Variants in EXOC3 observed in about 807,000 individuals in gnomAD.
EXOC3 encodes the protein exocyst complex component 3.
A neutral mutation model predicts 73.7 loss-of-function variants in EXOC3; 21 were observed. The ratio of observed to expected loss-of-function variants is 0.29; its 90% confidence interval spans 0.20 to 0.41. The LOEUF (loss-of-function observed/expected upper bound fraction) is 0.41, where lower values mean the gene tolerates loss of function less well. Among genes scored for constraint, EXOC3 ranks in the 10% least tolerant of loss-of-function variants. The pLI, the probability that EXOC3 is intolerant of heterozygous loss-of-function variation, is 1.00. For missense variants in EXOC3, 842 were observed against 985.1 expected (o/e 0.85, Z 1.95); for synonymous variants, 410 against 389.1 (o/e 1.05, Z -0.63).
intron 1 of EXOC3, among the ~76,000 whole-genome samples, chr5:443,623 C>A (rs1236011252): frequency 1.3e-5 from 2 of 151,862 alleles, no homozygotes; most frequent in Non-Finnish European, 1.5e-5. Flanking sequence ...CTTCCTGGCA[C>A]AGGTGTCCCC....
rs1011860982 is a variant in EXOC3 at position 453,542 on chromosome 5, C to T, written c.537C>T (p.Ser179=). 6.2e-7 allele frequency: 1 copy of T among 1,614,026 alleles called. No individual in the cohort carries two copies. The highest frequency in any genetic ancestry group is 8.5e-7 in the Non-Finnish European group (1 of 1,179,898). Residue 179 remains serine, a synonymous_variant, in exon 4 of 13, where the codon AGC becomes AGT. Coordinates refer to ENST00000512944, the MANE Select transcript of EXOC3 (RefSeq NM_007277.5). ...DMTLIHGYFG[S]TQGLSDELAK... is the part of the protein sequence containing the mutation. ...CCCTCATCCATGGCTACTTTGGCAG[C>T]ACGCAGGGGCTCTCTGATGAGCTGG...
chr5:458,060 C>A, intron 6 of EXOC3, 35 bp downstream of exon 6: 1 of 1,602,920 alleles, frequency 6.2e-7, no homozygotes, highest in South Asian at 1.1e-5. Flanking sequence ...AGTTCCGTTT[C>A]CTAGGTGGAT....
intron 11 of EXOC3, among the ~76,000 whole-genome samples, 181 bp downstream of exon 11, chr5:465,453 G>T (rs1260195311): frequency 6.6e-6 from 1 of 152,210 alleles, no homozygotes; most frequent in African/African-American, 2.4e-5. Context: ...AGGTAGACGC[G>T]CCGGCCCCGC....
intron 5 of EXOC3, chr5:457,313 G>C (rs574405947): frequency 7.8e-5 from 30 of 382,704 alleles, no homozygotes; most frequent in African/African-American, 6.8e-4. Flanking sequence ...CCAGGCTCTC[G>C]GCTCTGAGTC....
At chr5:445,859 T>A (rs1235217165) in intron 1 of EXOC3, among the ~76,000 whole-genome samples, 2 of 152,226 alleles carry the variant, frequency 1.3e-5, no homozygotes, top group Non-Finnish European at 2.9e-5. Flanking sequence ...CCTTTGAGGC[T>A]GACATCTACA....
At chr5:461,623 AAAG>A (rs1011113278) in intron 7 of EXOC3, 1 of 240,188 alleles carries the variant, frequency 4.2e-6, no homozygotes, top group Non-Finnish European at 8.2e-6. Context: ...AAAAAAAAAA[AAAG>A]AGACAAGGTC....
chr5:464,457 C>T, intron 10 of EXOC3, 45 bp downstream of exon 10: 1 of 1,596,160 alleles, frequency 6.3e-7, no homozygotes, highest in South Asian at 1.1e-5. Flanking sequence ...GACGCTAGGG[C>T]TCACCTCTCA....
At chr5:461,847 C>T (rs1440492476) in intron 7 of EXOC3, 113 bp from the exon 8 acceptor site, 4 of 682,292 alleles carry the variant, frequency 5.9e-6, no homozygotes, top group Admixed American at 4.9e-5. Flanking sequence ...AGAGGCTCAT[C>T]CGGTCAGATG....
chr5:456,501 G>A (rs1251552816), intron 4 of EXOC3, among the ~76,000 whole-genome samples: 4 of 152,190 alleles, frequency 2.6e-5, no homozygotes, highest in South Asian at 2.1e-4. Flanking sequence ...TAGAACACAC[G>A]TCTTCCCCAC....
chr5:464,746 G>C lies in EXOC3; in HGVS notation c.1776+334G>C. 3 of 411,554 alleles carry C rather than the reference G, an allele frequency of 7.3e-6. No homozygotes were observed. In the South Asian group the frequency reaches 8.3e-5, roughly 11 times the overall value. The allele number at this position is 411,554 out of a possible 1,614,324, so 25.5% of individuals were successfully genotyped here. A position where few individuals can be genotyped will look rare whatever the true frequency, so the allele number is the denominator to read the frequency against. ...CAGACCCTCCTTCCTGCAGGACCCA[G>C]GTTCCTCTTTCCTCCAAAGTGCCTG... On this transcript the variant is annotated intron_variant, in intron 10 of 12. Transcript: ENST00000512944.
intron 3 of EXOC3, among the ~76,000 whole-genome samples, chr5:448,337 C>G (rs544675684): frequency 1.3e-5 from 2 of 152,288 alleles, no homozygotes; most frequent in East Asian, 1.9e-4. Context: ...CCAGCTGGCC[C>G]TGGGTGGTGG....
chr5:456,341 C>T (rs1008075248), intron 4 of EXOC3, among the ~76,000 whole-genome samples: 37 of 152,036 alleles, frequency 2.4e-4, no homozygotes, highest in African/African-American at 6.3e-4. Context: ...TTGTTTTTCC[C>T]AAATACTTTC....
At position 453,690 on chromosome 5, in the gene EXOC3, C is replaced by A. The variant is rs774864931; in HGVS notation, c.685C>A (p.Arg229=). 6 of 1,613,862 alleles carry A rather than the reference C, an allele frequency of 3.7e-6. No individual in the cohort carries two copies. The highest frequency in any genetic ancestry group is 5.1e-6 in the Non-Finnish European group (6 of 1,179,888). The change falls in exon 4 of 13, where the codon CGG becomes AGG. Residue 229 remains arginine, a synonymous_variant. Transcript: ENST00000512944. ...EEKIDRRILD[R]KKQTGFVPPG... ...GAAAATTGACAGGCGCATACTTGAC[C>A]GGAAAAAGCAAACTGGCTTTGTTCC...
At chr5:458,885 G>A (rs529886328) in intron 6 of EXOC3, among the ~76,000 whole-genome samples, 1 of 152,184 alleles carries the variant, frequency 6.6e-6, no homozygotes, top group Non-Finnish European at 1.5e-5. Context: ...GGAAACAGAT[G>A]CCGTGAGAAA....
chr5:458,734 T>C (rs1737896166), intron 6 of EXOC3, among the ~76,000 whole-genome samples: 1 of 152,206 alleles, frequency 6.6e-6, no homozygotes, highest in African/African-American at 2.4e-5. Flanking sequence ...TTGAGTGGCA[T>C]TGCTGAGGGA....
Position 464,281 on chromosome 5 carries a change from G to C in EXOC3, c.1654-9G>C. 2.5e-6 allele frequency: 4 copies of C among 1,612,522 alleles called. No homozygotes were observed. The highest frequency in any genetic ancestry group is 3.4e-6 in the Non-Finnish European group (4 of 1,178,910). On this transcript the variant is annotated splice_polypyrimidine_tract_variant and intron_variant, in intron 9 of 12. Transcript: ENST00000512944. ...GTGATGATTTCTATGATCTGTTTCT[G>C]CTTTTCAGCAACATCTGAATGAATT...
intron 11 of EXOC3, 38 bp from the exon 12 acceptor site, chr5:465,680 A>G (rs1738126008): frequency 6.2e-7 from 1 of 1,612,492 alleles, no homozygotes; most frequent in Non-Finnish European, 8.5e-7. Flanking sequence ...GCCGCGGGAC[A>G]GCCGAGGGCG....
chr5:465,988 G>A, intron 12 of EXOC3, 143 bp downstream of exon 12: 1 of 904,070 alleles, frequency 1.1e-6, no homozygotes, highest in Non-Finnish European at 1.6e-6. Context: ...GCACAGCGGG[G>A]CCCAGGCGCA....
intron 4 of EXOC3, 40 bp from the exon 5 acceptor site, chr5:456,849 C>T (rs776784853): frequency 6.2e-6 from 9 of 1,456,078 alleles, no homozygotes; most frequent in South Asian, 1.1e-5. Flanking sequence ...TCTTCTGTGT[C>T]TGTCGTGGTT....
Sources: gnomAD v4.1 joint callset for allele counts (sites outside exome capture counted in the v4.1 genomes callset) on GRCh38, gnomAD v4.1.1 for gene constraint, MANE v1.5 for transcripts, NCBI Gene and HGNC (gene_info 2026-07-23, HGNC 2026-07-21) for gene names.